Variants in COBL observed in about 807,000 individuals in gnomAD.
COBL encodes the protein protein cordon-bleu.
Under a neutral mutation model 98.8 loss-of-function variants are expected in COBL, and 51 were observed. The ratio of observed to expected loss-of-function variants is 0.52; its 90% confidence interval spans 0.41 to 0.65. COBL has a LOEUF of 0.65. COBL is among the 30% of genes least tolerant of loss of function. COBL has a pLI of 0.00. For missense variants in COBL, 1,617 were observed against 1,617.5 expected (o/e 1.00, Z 0.01); for synonymous variants, 634 against 651.7 (o/e 0.97, Z 0.41).
chr7:51,091,324 A>G (rs111968348), intron 6 of COBL, among the ~76,000 whole-genome samples: 3,650 of 152,310 alleles, frequency 0.024, 143 homozygotes, highest in African/African-American at 0.083. Flanking sequence ...TCATATCAAT[A>G]AAGAGACAGA....
At chr7:51,135,742 C>T (rs1799171271) in intron 6 of COBL, among the ~76,000 whole-genome samples, 5 of 152,160 alleles carry the variant, frequency 3.3e-5, no homozygotes, top group Admixed American at 3.3e-4. Flanking sequence ...TAAAGTTCTG[C>T]CACAGAATGA....
At position 51,106,361 on chromosome 7, in the gene COBL, T is replaced by C. The variant is rs547269023; in HGVS notation, c.958-21057A>G. Among the ~76,000 whole-genome samples the C allele has an allele frequency of 2.0e-3, 305 of 152,314 alleles. 1 individual carries two copies. The highest frequency in any genetic ancestry group is 0.017 in the Middle Eastern group (5 of 294). ...TTATTTGGTCACTGTAATAAAGCAG[T>C]GCCGACCCCTGTGTGTAAGGGGCAT... On this transcript the variant is annotated intron_variant, in intron 6 of 12. Transcript: ENST00000265136.
intron 1 of COBL, among the ~76,000 whole-genome samples, chr7:51,238,398 G>T (rs919208594): frequency 5.9e-5 from 9 of 152,132 alleles, no homozygotes; most frequent in African/African-American, 2.2e-4. Context: ...TCTGTGTGAA[G>T]CCCTCAGTAA....
In COBL at chr7:51,097,746, G is replaced by A. The variant is rs140945315; in HGVS notation, c.958-12442C>T. Among the ~76,000 whole-genome samples the A allele has an allele frequency of 8.2e-3, 1,252 of 152,128 alleles. 19 individuals carry two copies. The highest frequency in any genetic ancestry group is 0.028 in the African/African-American group (1,170 of 41,498). On this transcript the variant is annotated intron_variant, in intron 6 of 12. Coordinates refer to ENST00000265136, the MANE Select transcript of COBL (RefSeq NM_015198.5). ...ACTTAGAAATAAGCTTAATCAGGCT[G>A]GGTGCAGTGGCTCACACCTGTAATC...
chr7:51,284,844 TA>T lies in COBL; in HGVS notation c.41+31748del, dbSNP rs1377989244. On this transcript the variant is annotated intron_variant, in intron 1 of 12. Coordinates refer to ENST00000265136, the MANE Select transcript of COBL (RefSeq NM_015198.5). ...TCCGTCTCAAAAAAAAAAAAAGGTA[TA>T]AAAAAACCTACCTCCAATATCAAGC... Among the ~76,000 whole-genome samples, 5 of 150,198 alleles carry T rather than the reference TA, an allele frequency of 3.3e-5. No individual in the cohort carries two copies. In the South Asian group the frequency reaches 8.5e-4, roughly 26 times the overall value.
At chr7:51,217,215 T>G (rs1289327790) in intron 2 of COBL, among the ~76,000 whole-genome samples, 1 of 152,188 alleles carries the variant, frequency 6.6e-6, no homozygotes, top group Non-Finnish European at 1.5e-5. Context: ...AATGAAAGCA[T>G]TCTTTTAAAA....
At chr7:51,157,828 G>C (rs1046233580) in intron 5 of COBL, among the ~76,000 whole-genome samples, 1 of 152,130 alleles carries the variant, frequency 6.6e-6, no homozygotes, top group African/African-American at 2.4e-5. Flanking sequence ...AGTATGTGAG[G>C]TCATGGATAT....
chr7:51,264,030 T>C (rs548526678), intron 1 of COBL, among the ~76,000 whole-genome samples: 1 of 152,246 alleles, frequency 6.6e-6, no homozygotes, highest in East Asian at 1.9e-4. Flanking sequence ...AACTGAAACC[T>C]AGATTATGTA....
chr7:51,271,244 A>T (rs1465796972), intron 1 of COBL, among the ~76,000 whole-genome samples: 1 of 152,236 alleles, frequency 6.6e-6, no homozygotes, highest in Non-Finnish European at 1.5e-5. Flanking sequence ...CCTGACCCAC[A>T]GGATAAAGCA....
At chr7:51,088,883 G>C (rs4947571) in intron 6 of COBL, among the ~76,000 whole-genome samples, 58,599 of 151,956 alleles carry the variant, frequency 0.39, 11,821 homozygotes, top group African/African-American at 0.51. Flanking sequence ...GGGCCTTGAA[G>C]CTCTCCTGTG....
At chr7:51,154,591 G>A (rs1021236968) in intron 5 of COBL, among the ~76,000 whole-genome samples, 4 of 152,184 alleles carry the variant, frequency 2.6e-5, no homozygotes, top group Non-Finnish European at 5.9e-5. Flanking sequence ...TGGGATGTGG[G>A]CACCTCCCCT....
chr7:51,313,519 C>A (rs1803254377), intron 1 of COBL, among the ~76,000 whole-genome samples: 1 of 152,158 alleles, frequency 6.6e-6, no homozygotes, highest in African/African-American at 2.4e-5. Flanking sequence ...GCAAAACTTC[C>A]ACTGATTTTT....
At chr7:51,148,685 G>T (rs1284228927) in intron 5 of COBL, among the ~76,000 whole-genome samples, 3 of 152,106 alleles carry the variant, frequency 2.0e-5, no homozygotes, top group African/African-American at 7.2e-5. Context: ...ATCCCTCCAT[G>T]ACCATGGCTC....
intron 4 of COBL, among the ~76,000 whole-genome samples, chr7:51,185,045 T>C (rs986565171): frequency 6.6e-6 from 1 of 152,228 alleles, no homozygotes; most frequent in Non-Finnish European, 1.5e-5. Flanking sequence ...TTCTTCTTTC[T>C]TTTTCCTGAA....
At position 51,017,511 on chromosome 7, in the gene COBL, A is replaced by G; in HGVS notation, c.*40T>C. The G allele has an allele frequency of 1.9e-6, 3 of 1,609,276 alleles. No homozygotes were observed. The South Asian group carries it at 3.3e-5, about 18-fold the overall frequency. On this transcript the variant is annotated 3_prime_UTR_variant, in exon 13 of 13. Transcript: ENST00000265136. ...CTCCTTGAGTGACGCCTGTGGGCAT[A>G]TTACAGGTGGGTTTCTGCAATTCTC...
intron 1 of COBL, among the ~76,000 whole-genome samples, chr7:51,231,971 C>G (rs1339559917): frequency 3.3e-5 from 5 of 152,106 alleles, no homozygotes; most frequent in Non-Finnish European, 1.5e-5. Flanking sequence ...CTGCCATGGT[C>G]GGACCTGAGT....
chr7:51,045,187 A>T (rs1026204145), intron 7 of COBL, among the ~76,000 whole-genome samples: 1 of 152,170 alleles, frequency 6.6e-6, no homozygotes, highest in Non-Finnish European at 1.5e-5. Context: ...CAATAAAACC[A>T]GCACGTTTTT....
In COBL at chr7:51,314,386, A is replaced by G. The variant is rs76239370; in HGVS notation, c.41+2207T>C. On this transcript the variant is annotated intron_variant, in intron 1 of 12. Transcript: ENST00000265136. Reference sequence around the variant, plus strand: ...AACAAATTTCCCTCAAGCACACTGCAAACACTGCCTTAATCTCAGGGAACA... The same window carrying G: ...AACAAATTTCCCTCAAGCACACTGCGAACACTGCCTTAATCTCAGGGAACA... Among the ~76,000 whole-genome samples, 1,369 of 152,346 alleles carry G rather than the reference A, an allele frequency of 9.0e-3. 31 individuals are homozygous for G. Among genetic ancestry groups the G allele is most frequent in the African/African-American group, 0.031 (1,274 of 41,560 alleles).
At chr7:51,178,005 G>C (rs1788567663) in intron 5 of COBL, among the ~76,000 whole-genome samples, 1 of 151,896 alleles carries the variant, frequency 6.6e-6, no homozygotes, top group Non-Finnish European at 1.5e-5. Context: ...AATTAGCTGG[G>C]CATGGTGGTT....
Sources: allele counts gnomAD v4.1 joint callset (sites outside exome capture counted in the v4.1 genomes callset), GRCh38; gene constraint gnomAD v4.1.1; transcripts MANE v1.5; gene names NCBI Gene and HGNC (gene_info 2026-07-23, HGNC 2026-07-21).